C6orf89: variants seen among roughly 807,000 people sequenced by gnomAD.
The protein encoded by C6orf89 is bombesin receptor-activated protein C6orf89.
A neutral mutation model predicts 40.7 loss-of-function variants in C6orf89; 29 were observed. The observed-to-expected ratio is 0.71, with a 90% confidence interval of 0.53 to 0.97. The LOEUF (loss-of-function observed/expected upper bound fraction) is 0.97, where lower values mean the gene tolerates loss of function less well. C6orf89 is among the 50% of genes least tolerant of loss of function. The probability of loss-of-function intolerance (pLI) is 0.00; values close to 1 mark genes in which losing one functional copy is unlikely to be tolerated. For missense variants in C6orf89, 392 were observed against 429.1 expected, an observed-to-expected ratio of 0.91 and a Z score of 0.76; for synonymous variants, 165 against 152.2, an observed-to-expected ratio of 1.08 and a Z score of -0.62.
upstream of C6orf89, among the ~76,000 whole-genome samples, chr6:36,884,641 CTA>C (rs1232693387): frequency 1.4e-4 from 21 of 152,300 alleles, no homozygotes; most frequent in Non-Finnish European, 2.6e-4. This position sits in a 1 kb window ranked among gnomAD's most constrained non-coding sequence, Gnocchi z 4.0. Flanking sequence ...GAGAGTGGCG[CTA>C]AGGCCCTAAG....
intron 4 of C6orf89, among the ~76,000 whole-genome samples, chr6:36,910,328 G>T (rs1762079392): frequency 6.6e-6 from 1 of 152,008 alleles, no homozygotes; most frequent in South Asian, 2.1e-4. Context: ...TTTAGTATAT[G>T]GTGAAAGGGT....
At chr6:36,886,947 T>G (rs1190345474) in intron 1 of C6orf89, among the ~76,000 whole-genome samples, 1 of 152,142 alleles carries the variant, frequency 6.6e-6, no homozygotes, top group Non-Finnish European at 1.5e-5. Flanking sequence ...CAGAAAGAGG[T>G]CCTGTTTCTG....
rs764693732 is a variant in C6orf89 at position 36,914,715 on chromosome 6, C to T, written c.695+22C>T. The T allele has an allele frequency of 4.4e-6, 7 of 1,608,828 alleles. No homozygotes were observed. The East Asian group carries it at 6.7e-5, about 15-fold the overall frequency. On this transcript the variant is annotated intron_variant, in intron 6 of 8. Coordinates refer to ENST00000480824, the MANE Select transcript of C6orf89 (RefSeq NM_001286635.2). Reference sequence around the variant, plus strand: ...CATGGTGAGTGTGAAAAGGGCCGGGCACAGTGGCTCATGCCTGTGATCCCA... The same window carrying T: ...CATGGTGAGTGTGAAAAGGGCCGGGTACAGTGGCTCATGCCTGTGATCCCA...
At chr6:36,905,270 C>A (rs1263830811) in intron 4 of C6orf89, among the ~76,000 whole-genome samples, 1 of 152,096 alleles carries the variant, frequency 6.6e-6, no homozygotes, top group Non-Finnish European at 1.5e-5. Flanking sequence ...GGTCACGGAG[C>A]CATGATTTGA....
intron 1 of C6orf89, among the ~76,000 whole-genome samples, chr6:36,888,085 G>A (rs1775062095): frequency 6.6e-6 from 1 of 152,154 alleles, no homozygotes; most frequent in Admixed American, 6.6e-5. Flanking sequence ...TGGAACAAAT[G>A]TGTTACATCA....
Position 36,914,330 on chromosome 6 carries a change from G to T in C6orf89, c.450G>T (p.Glu150Asp). ...WTNDCEQNES[E>D]PIPANCTGCA... The stretch of plus-strand genomic sequence containing the variant: ...ACGACTGTGAGCAGAATGAGTCAGA[G>T]CCCATTCCTGCCAACTGCACTGGCT... Residue 150 changes from glutamate (E) to aspartate (D), a missense_variant, in exon 5 of 9, where the codon GAG becomes GAT. Coordinates refer to ENST00000480824, the MANE Select transcript of C6orf89 (RefSeq NM_001286635.2). 1 of 1,614,150 alleles carries T rather than the reference G, an allele frequency of 6.2e-7. No homozygotes were observed.
intron 1 of C6orf89, among the ~76,000 whole-genome samples, chr6:36,874,216 G>A (rs1207153961): frequency 6.6e-6 from 1 of 152,228 alleles, no homozygotes; most frequent in African/African-American, 2.4e-5. Context: ...GCGGGGCATG[G>A]CGCCAGCAGG....
intron 4 of C6orf89, among the ~76,000 whole-genome samples, chr6:36,911,421 C>T (rs1474106038): frequency 6.6e-6 from 1 of 151,836 alleles, no homozygotes; most frequent in Non-Finnish European, 1.5e-5. Context: ...CCCCAGGAGG[C>T]GGAGGTTGCA....
chr6:36,912,795 A>G (rs1035972619), intron 4 of C6orf89, among the ~76,000 whole-genome samples: 1 of 152,220 alleles, frequency 6.6e-6, no homozygotes, highest in Non-Finnish European at 1.5e-5. Flanking sequence ...CCAAGAACAA[A>G]CACGGTCTTT....
At position 36,914,555 on chromosome 6, in the gene C6orf89, C is replaced by G. The variant is rs1040377577; in HGVS notation, c.557C>G (p.Thr186Arg). Residue 186 changes from threonine to arginine, a missense_variant and splice_region_variant, in exon 6 of 9, where the codon ACG becomes AGG. Transcript: ENST00000480824. ...TGTTTTGTTTCCTGCCTTGCCAAGA[C>G]GGGAAAGCCCCTGTTGGAGGAAGAG... ...FERLHPLVIK[T>R]GKPLLEEEIQ... 5 of 1,613,972 alleles carry G rather than the reference C, an allele frequency of 3.1e-6. No homozygotes were observed. In the Admixed American group the frequency reaches 5.0e-5, roughly 16 times the overall value.
intron 1 of C6orf89, chr6:36,875,083 A>C: frequency 2.7e-6 from 1 of 372,852 alleles, no homozygotes; most frequent in East Asian, 5.9e-5. Flanking sequence ...ACAACCAGAA[A>C]AGCTGCGCTC....
chr6:36,885,015 G>A (rs139167567), upstream of C6orf89, among the ~76,000 whole-genome samples: 1 of 152,140 alleles, frequency 6.6e-6, no homozygotes, highest in Non-Finnish European at 1.5e-5. Flanking sequence ...CAATGACCAA[G>A]GTTTTGGTCA....
intron 4 of C6orf89, among the ~76,000 whole-genome samples, chr6:36,906,736 T>C (rs1216729308): frequency 6.6e-6 from 1 of 152,102 alleles, no homozygotes; most frequent in Non-Finnish European, 1.5e-5. Context: ...GCCTCCTTCA[T>C]TGTCAAGGCT....
At chr6:36,893,216 G>A (rs1436871970) in intron 1 of C6orf89, among the ~76,000 whole-genome samples, 1 of 148,760 alleles carries the variant, frequency 6.7e-6, no homozygotes, top group Non-Finnish European at 1.5e-5. Context: ...TTACAGGCGT[G>A]AGCCACCGCG....
chr6:36,916,508 A>C lies in C6orf89; in HGVS notation c.759A>C (p.Pro253=). The C allele has an allele frequency of 6.2e-7, 1 of 1,614,212 alleles. No individual in the cohort carries two copies. Among genetic ancestry groups the C allele is most frequent in the South Asian group, 1.1e-5 (1 of 91,084 alleles). ...RELFPVFTHL[P]FPKDASLNKC... ...TTTTTCCTGTTTTCACTCACCTGCC[A>C]TTTCCAAAAGATGCCTCTTTAAACA... Residue 253 remains proline (P), a synonymous_variant, in exon 7 of 9, where the codon CCA becomes CCC. Coordinates refer to ENST00000480824, the MANE Select transcript of C6orf89 (RefSeq NM_001286635.2).
chr6:36,885,977 G>C lies in C6orf89; in HGVS notation c.-171G>C, dbSNP rs962474224. 3.2e-6 allele frequency: 4 copies of C among 1,258,962 alleles called. No homozygotes were observed. The highest frequency in any genetic ancestry group is 6.4e-5 in the East Asian group (2 of 31,452). 78.0% of individuals were successfully genotyped at this position (1,258,962 alleles called of 1,614,324 possible). A position where few individuals can be genotyped will look rare whatever the true frequency, so the allele number is the denominator to read the frequency against. On this transcript the variant is annotated 5_prime_UTR_variant, in exon 1 of 9. Transcript: ENST00000480824. Reference sequence around the variant, plus strand: ...AGGAAGTTGCCCATCCTCCTCGCCCGGCGGCAGCTGTCCCCGAGGCGGGAG... The same window carrying C: ...AGGAAGTTGCCCATCCTCCTCGCCCCGCGGCAGCTGTCCCCGAGGCGGGAG...
chr6:36,872,855 C>G (rs1170517372), intron 1 of C6orf89, among the ~76,000 whole-genome samples: 1 of 152,218 alleles, frequency 6.6e-6, no homozygotes, highest in Non-Finnish European at 1.5e-5. Flanking sequence ...AGCAATCTAC[C>G]TGCCTTGGCC....
At position 36,926,043 on chromosome 6, in the gene C6orf89, C is replaced by G. The variant is rs1561882243; in HGVS notation, c.*2602C>G. On this transcript the variant is annotated 3_prime_UTR_variant, in exon 9 of 9. Transcript: ENST00000480824. The stretch of plus-strand genomic sequence containing the variant: ...GTTAGGTTCACTTTCATGTGGCCTC[C>G]CACTACAGAGATGCGTATGCCCAGA... 1 of 152,174 alleles carries G rather than the reference C, an allele frequency of 6.6e-6. No individual in the cohort carries two copies. The highest frequency in any genetic ancestry group is 1.5e-5 in the Non-Finnish European group (1 of 68,028). The allele number at this position is 152,174 out of a possible 1,614,324, so 9.4% of individuals were successfully genotyped here.
intron 1 of C6orf89, chr6:36,874,998 C>T: frequency 1.9e-6 from 1 of 540,504 alleles, no homozygotes; most frequent in Non-Finnish European, 3.3e-6. Flanking sequence ...AAACTTCATT[C>T]GCGGTGGTCT....
Sources: gnomAD v4.1 joint callset for allele counts (sites outside exome capture counted in the v4.1 genomes callset) on GRCh38, gnomAD v4.1.1 for gene constraint, Gnocchi (gnomAD v3.1) non-coding constraint, MANE v1.5 for transcripts, NCBI Gene and HGNC (gene_info 2026-07-23, HGNC 2026-07-21) for gene names.